The following RNF149 variants were observed in gnomAD, a reference collection of about 807,000 sequenced individuals.
RNF149 encodes the protein E3 ubiquitin-protein ligase RNF149.
Under a neutral mutation model 39.0 loss-of-function variants are expected in RNF149, and 21 were observed. The ratio of observed to expected loss-of-function variants is 0.54; its 90% CI spans 0.38 to 0.77. The LOEUF is 0.77. RNF149 is among the 30% of genes least tolerant of loss of function. The probability of loss-of-function intolerance (pLI) is 0.00; values close to 1 mark genes in which losing one functional copy is unlikely to be tolerated. For missense variants in RNF149, 493 were observed against 534.9 expected (o/e 0.92, Z 0.77); for synonymous variants, 209 against 213.6 (o/e 0.98, Z 0.19).
downstream of RNF149, among the ~76,000 whole-genome samples, chr2:101,272,237 A>C (rs1682158339): frequency 6.6e-6 from 1 of 152,222 alleles, no homozygotes; most frequent in African/African-American, 2.4e-5. Context: ...ACAAAGTCCT[A>C]GTGTTCCCAG....
At position 101,308,297 on chromosome 2, in the gene RNF149, C is replaced by A; in HGVS notation, c.292G>T (p.Val98Leu). ...GCCCCTCGGCCGCCGGGCTCGGGCA[C>A]GAAGAAGCGCGTGTCGGGCGCGCAG... ...EGCAPDTRFF[V>L]PEPGGRGAAP... Residue 98 changes from valine to leucine, a missense_variant, in exon 1 of 7, where the codon GTG (valine) becomes TTG (leucine). Physicochemically the swap from Val to Leu is conservative, Grantham distance 32. Coordinates refer to ENST00000295317, the MANE Select transcript of RNF149 (RefSeq NM_173647.4). The A allele has an allele frequency of 6.3e-7, 1 of 1,580,370 alleles. No individual in the cohort carries two copies. Among genetic ancestry groups the A allele is most frequent in the Non-Finnish European group, 8.6e-7 (1 of 1,166,378 alleles).
chr2:101,273,991 T>C (rs1682239604), downstream of RNF149, among the ~76,000 whole-genome samples: 1 of 152,154 alleles, frequency 6.6e-6, no homozygotes, highest in Non-Finnish European at 1.5e-5. Context: ...CAGCTGCTGA[T>C]TAAGAAATCA....
chr2:101,276,346 G>A lies in RNF149; in HGVS notation c.*892C>T. On this transcript the variant is annotated 3_prime_UTR_variant, in exon 7 of 7. Coordinates refer to ENST00000295317, the MANE Select transcript of RNF149 (RefSeq NM_173647.4). ...AAAAAAGAAGAAACGGTTAAGCAAG[G>A]TCATGGTATTAAATCTGCTTAAACT... 3 of 985,750 alleles carry A rather than the reference G, an allele frequency of 3.0e-6. No homozygotes were observed. Among genetic ancestry groups the A allele is most frequent in the Non-Finnish European group, 3.6e-6 (3 of 829,886 alleles). The allele number at this position is 985,750 out of a possible 1,614,324, so 61.1% of individuals were successfully genotyped here. A position where few individuals can be genotyped will look rare whatever the true frequency, so the allele number is the denominator to read the frequency against.
At chr2:101,282,161 G>T (rs1351663316) in intron 5 of RNF149, 104 bp from the exon 6 acceptor site, 1 of 1,480,738 alleles carries the variant, frequency 6.8e-7, no homozygotes, top group South Asian at 1.4e-5. Flanking sequence ...ACGTACTTCT[G>T]TACAATGAAT....
intron 1 of RNF149, among the ~76,000 whole-genome samples, chr2:101,305,794 C>G (rs1034245247): frequency 1.3e-5 from 2 of 152,146 alleles, no homozygotes; most frequent in African/African-American, 4.8e-5. Context: ...ACTGTGTCGT[C>G]TCTGGCTAAT....
rs533551332 is a variant in RNF149, at chr2:101,282,162, T to TAC, written c.961-107_961-106dup. 6,183 of 1,480,782 alleles carry TAC rather than the reference T, an allele frequency of 4.2e-3. 127 individuals are homozygous for TAC. The highest frequency in any genetic ancestry group is 0.039 in the South Asian group (2,888 of 74,230). 91.7% of individuals were successfully genotyped at this position (1,480,782 alleles called of 1,614,324 possible). ...TCACACACAATATTACGTACTTCTG[T>TAC]ACAATGAATCTGGCAAAAAGCACAT... On this transcript the variant is annotated intron_variant, in intron 5 of 6. Transcript: ENST00000295317.
intron 5 of RNF149, among the ~76,000 whole-genome samples, chr2:101,282,615 A>T (rs182832679): frequency 5.9e-5 from 9 of 152,244 alleles, no homozygotes; most frequent in Admixed American, 3.9e-4. Flanking sequence ...AGGGCTGGGG[A>T]CACTATCAGC....
chr2:101,299,090 A>T (rs1202303695), intron 1 of RNF149, among the ~76,000 whole-genome samples: 1 of 152,212 alleles, frequency 6.6e-6, no homozygotes, highest in African/African-American at 2.4e-5. Flanking sequence ...CCAGAGTTGG[A>T]GGTTGCAGTG....
In RNF149 at chr2:101,308,505, G is replaced by A. The variant is rs781151279; in HGVS notation, c.84C>T (p.Pro28=). 1.1e-5 allele frequency: 18 copies of A among 1,610,046 alleles called. No individual in the cohort carries two copies. The highest frequency in any genetic ancestry group is 3.3e-5 in the South Asian group (3 of 90,866). The part of the protein sequence containing the change: ...LALLALALCV[P]GARGRALEWF... ...ACTCGAGAGCCCGGCCCCGGGCCCC[G>A]GGCACGCACAGGGCCAGGGCGAGCA... The change falls in exon 1 of 7, where the codon CCC becomes CCT. Residue 28 remains proline (P), a synonymous_variant. Coordinates refer to ENST00000295317, the MANE Select transcript of RNF149 (RefSeq NM_173647.4).
At chr2:101,281,728 TG>T in intron 6 of RNF149, 130 bp downstream of exon 6, 1 of 1,101,120 alleles carries the variant, frequency 9.1e-7, no homozygotes, top group Non-Finnish European at 1.3e-6. Flanking sequence ...CTCAAATTTC[TG>T]GTTACTTACT....
chr2:101,271,919 C>G (rs1246502805), downstream of RNF149, among the ~76,000 whole-genome samples: 1 of 152,142 alleles, frequency 6.6e-6, no homozygotes, highest in Non-Finnish European at 1.5e-5. Context: ...ACATTTACAC[C>G]TAATTTTGAG....
rs1053590462 is a variant in RNF149, at chr2:101,275,604, G to T, written c.*1634C>A. The T allele has an allele frequency of 4.6e-5, 7 of 151,112 alleles. No homozygotes were observed. The highest frequency in any genetic ancestry group is 1.3e-4 in the African/African-American group (5 of 39,714). 9.4% of individuals were successfully genotyped at this position (151,112 alleles called of 1,614,324 possible). A position where few individuals can be genotyped will look rare whatever the true frequency, so the allele number is the denominator to read the frequency against. On this transcript the variant is annotated 3_prime_UTR_variant, in exon 7 of 7. Coordinates refer to ENST00000295317, the MANE Select transcript of RNF149 (RefSeq NM_173647.4). The stretch of plus-strand genomic sequence containing the variant: ...CTACAGGCGCCCGCCACTACGCCCG[G>T]CTAATTTTTTGTATTTTTAGTAGAG...
intron 5 of RNF149, among the ~76,000 whole-genome samples, chr2:101,284,559 C>T (rs745650888): frequency 3.6e-4 from 55 of 151,934 alleles, no homozygotes; most frequent in African/African-American, 1.1e-3. Context: ...CCAGCCTCGG[C>T]GACAGAGTGA....
intron 4 of RNF149, among the ~76,000 whole-genome samples, chr2:101,287,099 A>G (rs965620116): frequency 1.3e-5 from 2 of 152,202 alleles, no homozygotes; most frequent in Non-Finnish European, 2.9e-5. Flanking sequence ...AGGTGGGTGG[A>G]TCACCTGAGG....
chr2:101,292,783 G>A (rs1400114163), intron 3 of RNF149, among the ~76,000 whole-genome samples: 1 of 151,892 alleles, frequency 6.6e-6, no homozygotes, highest in East Asian at 1.9e-4. Context: ...GAAAAAAAAA[G>A]AACTGCAATT....
chr2:101,293,870 G>A (rs1573245074), intron 3 of RNF149, 144 bp downstream of exon 3: 5 of 544,156 alleles, frequency 9.2e-6, no homozygotes, highest in East Asian at 6.1e-5. Context: ...TGCTATATGC[G>A]ACTAGTGGCT....
chr2:101,299,831 A>G (rs1683383588), intron 1 of RNF149, among the ~76,000 whole-genome samples: 1 of 152,192 alleles, frequency 6.6e-6, no homozygotes, highest in Non-Finnish European at 1.5e-5. Flanking sequence ...AATCCCAGGG[A>G]GTTGCTCAAT....
intron 1 of RNF149, among the ~76,000 whole-genome samples, chr2:101,296,130 A>G (rs1683223047): frequency 6.6e-6 from 1 of 152,190 alleles, no homozygotes; most frequent in African/African-American, 2.4e-5. Context: ...TGAAAAACAA[A>G]CAAAAAACTA....
Position 101,276,715 on chromosome 2 carries a change from A to G in RNF149, c.*523T>C. ...CTCTCAGGTTTTGAAATCTTCACAT[A>G]CACTACAGATGGGCAAAAAAGCTAC... On this transcript the variant is annotated 3_prime_UTR_variant, in exon 7 of 7. Transcript: ENST00000295317. 1.0e-6 allele frequency: 1 copy of G among 986,130 alleles called. No individual in the cohort carries two copies. Among genetic ancestry groups the G allele is most frequent in the Non-Finnish European group, 1.2e-6 (1 of 830,330 alleles). The allele number at this position is 986,130 out of a possible 1,614,324, so 61.1% of individuals were successfully genotyped here.
Sources: gnomAD v4.1 joint callset for allele counts (sites outside exome capture counted in the v4.1 genomes callset) on GRCh38, gnomAD v4.1.1 for gene constraint, MANE v1.5 for transcripts, NCBI Gene and HGNC (gene_info 2026-07-23, HGNC 2026-07-21) for gene names.